Variants in AURKA observed in about 807,000 individuals in gnomAD.
AURKA encodes the protein aurora kinase A.
In AURKA, 12 loss-of-function variants were observed where a neutral mutation model predicts 40.9. The observed-to-expected ratio is 0.29, with a 90% CI of 0.19 to 0.48. The LOEUF (loss-of-function observed/expected upper bound fraction) is 0.48. Among genes scored for constraint, AURKA ranks in the 20% least tolerant of loss-of-function variants. AURKA has a pLI of 0.99. For synonymous variants in AURKA, 170 were observed against 164.3 expected, an observed-to-expected ratio of 1.03 and a Z score of -0.26; for missense variants, 322 against 462.1, an observed-to-expected ratio of 0.70 and a Z score of 2.78.
chr20:56,386,919 G>A (rs1425234518), intron 2 of AURKA, among the ~76,000 whole-genome samples: 2 of 146,294 alleles, frequency 1.4e-5, no homozygotes, highest in Non-Finnish European at 3.0e-5. Flanking sequence ...GATAATATAC[G>A]TTTAAGAAAA....
chr20:56,374,531 T>A (rs1984673316), intron 6 of AURKA, among the ~76,000 whole-genome samples: 1 of 152,162 alleles, frequency 6.6e-6, no homozygotes, highest in South Asian at 2.1e-4. Flanking sequence ...AAATTTTGGG[T>A]TACACTAAGT....
At chr20:56,381,235 A>G (rs923787048) in intron 6 of AURKA, among the ~76,000 whole-genome samples, 198 bp downstream of exon 6, 3 of 152,280 alleles carry the variant, frequency 2.0e-5, no homozygotes, top group Admixed American at 6.5e-5. Context: ...AAAAGCAGAT[A>G]CAACATTCTA....
intron 1 of AURKA, among the ~76,000 whole-genome samples, chr20:56,389,403 A>T (rs954399161): frequency 6.6e-6 from 1 of 151,990 alleles, no homozygotes; most frequent in Non-Finnish European, 1.5e-5. Flanking sequence ...CAATCCTAAC[A>T]TATCCAAAAC....
In AURKA at chr20:56,384,284, A is replaced by G; in HGVS notation, c.360T>C (p.Asn120=). The G allele has an allele frequency of 6.2e-7, 1 of 1,600,108 alleles. No individual in the cohort carries two copies. Among genetic ancestry groups the G allele is most frequent in the Non-Finnish European group, 8.6e-7 (1 of 1,168,588 alleles). ...PEEELASKQK[N]EESKKRQWAL... ...AGAAAGCTTACTTTTTTGATTCTTCATTTTTCTGTTTTGATGCCAGTTCCT... is the reference window on the plus strand; with the variant it reads ...AGAAAGCTTACTTTTTTGATTCTTCGTTTTTCTGTTTTGATGCCAGTTCCT... The change falls in exon 4 of 9, where the codon AAT becomes AAC. Residue 120 remains asparagine (N), a synonymous_variant. Transcript: ENST00000395915.
In AURKA at chr20:56,373,313, G is replaced by C. The variant is rs940277567; in HGVS notation, c.854+95C>G. On this transcript the variant is annotated intron_variant, in intron 7 of 8. Coordinates refer to ENST00000395915, the MANE Select transcript of AURKA (RefSeq NM_198437.3). This position sits in a 1 kb window ranked among gnomAD's most constrained non-coding sequence, Gnocchi z 5.0. ...GGGTTAGCCACCTACCCCTCTTACA[G>C]CACAAAATCTACACTGAAATATTTT... 1.9e-6 allele frequency: 3 copies of C among 1,582,928 alleles called. No homozygotes were observed. Among genetic ancestry groups the C allele is most frequent in the Non-Finnish European group, 2.6e-6 (3 of 1,155,428 alleles).
At chr20:56,387,915 C>T (rs1265199849) in intron 2 of AURKA, among the ~76,000 whole-genome samples, 1 of 152,078 alleles carries the variant, frequency 6.6e-6, no homozygotes, top group Middle Eastern at 3.2e-3. Flanking sequence ...TACTATTATC[C>T]TGCATACAGT....
rs113451501 is a variant in AURKA at position 56,370,186 on chromosome 20, T to C, written c.1184A>G (p.Asn395Ser). ...ANSSKPSNCQ[N>S]KESASKQS ...AGACTGTTTGCTAGCTGATTCTTTG[T>C]TTTGGCAATTTGATGGTTTTGATGA... Residue 395 changes from asparagine to serine, a missense_variant, in exon 9 of 9, where the codon AAC (asparagine) becomes AGC (serine). Transcript: ENST00000395915. The C allele has an allele frequency of 4.3e-6, 7 of 1,613,004 alleles. No individual in the cohort carries two copies. In the African/African-American group the frequency reaches 9.3e-5, roughly 22 times the overall value.
chr20:56,379,473 A>G (rs1351334380), intron 6 of AURKA, among the ~76,000 whole-genome samples: 2 of 152,238 alleles, frequency 1.3e-5, no homozygotes, highest in Non-Finnish European at 2.9e-5. Context: ...ATCCACATAT[A>G]TTCCCTTGCT....
At chr20:56,387,220 C>T (rs554220788) in intron 2 of AURKA, among the ~76,000 whole-genome samples, 1 of 152,288 alleles carries the variant, frequency 6.6e-6, no homozygotes, top group East Asian at 1.9e-4. Flanking sequence ...GTGGCATGAT[C>T]TCGGCTCACT....
At chr20:56,381,136 A>G (rs1985656863) in intron 6 of AURKA, among the ~76,000 whole-genome samples, 1 of 152,168 alleles carries the variant, frequency 6.6e-6, no homozygotes, top group Non-Finnish European at 1.5e-5. Context: ...AAATTATTCT[A>G]AAATAAAACA....
chr20:56,381,501 C>T lies in AURKA; in HGVS notation c.637G>A (p.Ala213Thr), dbSNP rs2146182969. The stretch of plus-strand genomic sequence containing the variant: ...TCTCTATAAACTGTTCCAAGTGGTG[C>T]ATATTCCAGAATTAGGTAGACTCTG... ...ATRVYLILEYAPLGTVYRELQ... is the reference protein window; with the variant it reads ...ATRVYLILEYTPLGTVYRELQ... The change falls in exon 6 of 9, where the codon GCA becomes ACA. Residue 213 changes from alanine (A) to threonine (T), a missense_variant. Transcript: ENST00000395915. 1 of 1,613,892 alleles carries T rather than the reference C, an allele frequency of 6.2e-7. No homozygotes were observed. The highest frequency in any genetic ancestry group is 8.5e-7 in the Non-Finnish European group (1 of 1,179,896).
intron 6 of AURKA, among the ~76,000 whole-genome samples, chr20:56,379,256 T>C (rs958801441): frequency 3.9e-5 from 6 of 152,204 alleles, no homozygotes; most frequent in Admixed American, 6.5e-5. Flanking sequence ...ACAATTCTGA[T>C]ACCATTATAC....
intron 7 of AURKA, among the ~76,000 whole-genome samples, chr20:56,371,073 TG>T (rs1569037967): frequency 6.6e-6 from 1 of 152,176 alleles, no homozygotes; most frequent in Non-Finnish European, 1.5e-5. Context: ...GTAACAGCAC[TG>T]GGGTGGAGAT....
chr20:56,376,378 A>T (rs1012049004), intron 6 of AURKA, among the ~76,000 whole-genome samples: 2 of 152,236 alleles, frequency 1.3e-5, no homozygotes, highest in Non-Finnish European at 2.9e-5. Context: ...TATTTAAAAA[A>T]GCAAATTAGA....
At chr20:56,375,553 T>C (rs1223337217) in intron 6 of AURKA, among the ~76,000 whole-genome samples, 2 of 151,932 alleles carry the variant, frequency 1.3e-5, no homozygotes, top group African/African-American at 2.4e-5. Flanking sequence ...CTAGACAGGA[T>C]TGAACATTAT....
chr20:56,388,564 C>A, intron 1 of AURKA: 1 of 275,778 alleles, frequency 3.6e-6, no homozygotes, highest in African/African-American at 2.2e-5. Flanking sequence ...GTAATCCCAG[C>A]ATTTTGGGAG....
At chr20:56,378,882 G>A (rs1985314112) in intron 6 of AURKA, among the ~76,000 whole-genome samples, 1 of 152,168 alleles carries the variant, frequency 6.6e-6, no homozygotes. Context: ...TGGAAGGGTT[G>A]GAAGGGATGA....
chr20:56,371,124 T>C (rs16979826), intron 7 of AURKA, among the ~76,000 whole-genome samples: 4,878 of 151,920 alleles, frequency 0.032, 258 homozygotes, highest in African/African-American at 0.11. Context: ...TTGGTACGAG[T>C]GATGCTGAAA....
At chr20:56,371,448 G>A (rs986554542) in intron 7 of AURKA, among the ~76,000 whole-genome samples, 51 of 148,226 alleles carry the variant, frequency 3.4e-4, no homozygotes, top group Non-Finnish European at 2.4e-4. Context: ...GTGACAGAGC[G>A]AGACTCTGTC....
Sources: allele counts gnomAD v4.1 joint callset (sites outside exome capture counted in the v4.1 genomes callset), GRCh38; gene constraint gnomAD v4.1.1; non-coding constraint Gnocchi (gnomAD v3.1); transcripts MANE v1.5; gene names NCBI Gene and HGNC (gene_info 2026-07-23, HGNC 2026-07-21).